KCNMA1: variants seen among roughly 807,000 people sequenced by gnomAD.
KCNMA1 encodes Calcium-activated potassium channel subunit alpha-1.
In KCNMA1, 29 loss-of-function variants were observed where a neutral mutation model predicts 140.0. The ratio of observed to expected loss-of-function variants is 0.21; its 90% confidence interval spans 0.15 to 0.28. The LOEUF is 0.28. Among genes scored for constraint, KCNMA1 ranks in the 10% least tolerant of loss-of-function variants. The pLI is 1.00. For synonymous variants in KCNMA1, 612 were observed against 611.9 expected (o/e 1.00, Z 0.00); for missense variants, 880 against 1,602.2 (o/e 0.55, Z 7.70).
At chr10:77,546,906 C>A (rs1383678440) in intron 1 of KCNMA1, among the ~76,000 whole-genome samples, 1 of 152,190 alleles carries the variant, frequency 6.6e-6, no homozygotes, top group Admixed American at 6.5e-5. Flanking sequence ...CATTCCATCA[C>A]CCAGCAACAG....
intron 1 of KCNMA1, chr10:77,636,887 C>G: frequency 1.4e-6 from 2 of 1,426,300 alleles, no homozygotes; most frequent in Non-Finnish European, 1.8e-6. Context: ...CGGTGCAAAA[C>G]ACGCACCCAG....
chr10:77,310,304 C>G (rs891596347), intron 2 of KCNMA1, among the ~76,000 whole-genome samples: 35 of 152,154 alleles, frequency 2.3e-4, no homozygotes, highest in Non-Finnish European at 5.1e-4. Context: ...TGCCTATCCC[C>G]CATCCCAACC....
chr10:77,062,100 A>T (rs2095777803), intron 14 of KCNMA1, among the ~76,000 whole-genome samples: 1 of 152,222 alleles, frequency 6.6e-6, no homozygotes, highest in Non-Finnish European at 1.5e-5. Flanking sequence ...ACATACACAA[A>T]ATCAACTTTA....
chr10:77,068,932 G>C (rs1029085855), intron 14 of KCNMA1, among the ~76,000 whole-genome samples: 1 of 150,732 alleles, frequency 6.6e-6, no homozygotes, highest in African/African-American at 2.4e-5. Flanking sequence ...GCTAATCCTA[G>C]TAAGAATGAT....
At chr10:77,473,574 C>T (rs1272188043) in intron 1 of KCNMA1, among the ~76,000 whole-genome samples, 2 of 152,228 alleles carry the variant, frequency 1.3e-5, no homozygotes, top group South Asian at 2.1e-4. Flanking sequence ...GAGGGGCCTC[C>T]GTGGATGGAA....
chr10:77,150,298 C>T (rs1434621890), intron 5 of KCNMA1, among the ~76,000 whole-genome samples: 1 of 152,190 alleles, frequency 6.6e-6, no homozygotes, highest in African/African-American at 2.4e-5. Flanking sequence ...TGTCTTCCTT[C>T]TTCTTCCATC....
intron 2 of KCNMA1, among the ~76,000 whole-genome samples, chr10:77,315,170 C>T (rs1803840901): frequency 6.6e-6 from 1 of 152,160 alleles, no homozygotes; most frequent in African/African-American, 2.4e-5. Flanking sequence ...GAATTTCACA[C>T]CAAGCCCATT....
At chr10:77,194,963 C>T (rs566368351) in intron 3 of KCNMA1, among the ~76,000 whole-genome samples, 2 of 152,260 alleles carry the variant, frequency 1.3e-5, no homozygotes, top group South Asian at 2.1e-4. Context: ...TTTAAAGTTA[C>T]ACATGAATTT....
chr10:77,459,628 G>A (rs2097823912), intron 1 of KCNMA1, among the ~76,000 whole-genome samples: 1 of 152,196 alleles, frequency 6.6e-6, no homozygotes, highest in South Asian at 2.1e-4. Context: ...TCAAAACACA[G>A]CTTTGAGACA....
At chr10:77,223,587 C>T (rs776915284) in intron 3 of KCNMA1, among the ~76,000 whole-genome samples, 2 of 152,086 alleles carry the variant, frequency 1.3e-5, no homozygotes, top group African/African-American at 4.8e-5. Context: ...ACTCAGAAGC[C>T]GGGAGGGTCA....
intron 3 of KCNMA1, among the ~76,000 whole-genome samples, chr10:77,225,650 CA>C (rs1332944081): frequency 6.6e-6 from 1 of 152,160 alleles, no homozygotes; most frequent in Non-Finnish European, 1.5e-5. Context: ...CGTAGGTGCC[CA>C]CGGGACTGCT....
At chr10:77,067,888 C>T (rs1046966614) in intron 14 of KCNMA1, among the ~76,000 whole-genome samples, 2 of 152,160 alleles carry the variant, frequency 1.3e-5, no homozygotes, top group East Asian at 1.9e-4. Flanking sequence ...ATGGGATTAG[C>T]GCACTGTCTG....
At chr10:76,974,195 A>C (rs2076852475) in intron 19 of KCNMA1, 1 of 322,086 alleles carries the variant, frequency 3.1e-6, no homozygotes. Flanking sequence ...CACTGGAGTC[A>C]CTCAGAATAA....
In KCNMA1 at chr10:77,108,285, C is replaced by T; in HGVS notation, c.1223+196G>A. The stretch of plus-strand genomic sequence containing the variant: ...CATCTTTTCTGATGCAACTGACTTA[C>T]TTTCTGCCTCCATGTTTGTTAAAAG... On this transcript the variant is annotated intron_variant, in intron 9 of 27. Coordinates refer to ENST00000286628, the MANE Select transcript of KCNMA1 (RefSeq NM_001161352.2). This position sits in a 1 kb window ranked among gnomAD's most constrained non-coding sequence, Gnocchi z 4.6. 1 of 1,477,522 alleles carries T rather than the reference C, an allele frequency of 6.8e-7. No homozygotes were observed. Among genetic ancestry groups the T allele is most frequent in the Non-Finnish European group, 8.9e-7 (1 of 1,122,066 alleles). 91.5% of individuals were successfully genotyped at this position (1,477,522 alleles called of 1,614,324 possible). A position where few individuals can be genotyped will look rare whatever the true frequency, so the allele number is the denominator to read the frequency against.
At chr10:76,928,254 TACACACACACAC>T (rs57777811) in intron 23 of KCNMA1, among the ~76,000 whole-genome samples, 1 of 144,724 alleles carries the variant, frequency 6.9e-6, no homozygotes, top group Non-Finnish European at 1.5e-5. Flanking sequence ...TTCAGAAAAA[TACACACACACAC>T]ACACACACAC....
intron 3 of KCNMA1, among the ~76,000 whole-genome samples, chr10:77,189,974 C>G (rs953056501): frequency 1.3e-5 from 2 of 152,172 alleles, no homozygotes; most frequent in Non-Finnish European, 2.9e-5. Context: ...ACTCATTCTA[C>G]ATCTCTTACT....
chr10:77,312,489 G>A (rs2079579386), intron 2 of KCNMA1, among the ~76,000 whole-genome samples: 1 of 152,214 alleles, frequency 6.6e-6, no homozygotes, highest in Non-Finnish European at 1.5e-5. Flanking sequence ...AACTGGGAAT[G>A]GTGATGCACA....
chr10:77,331,423 G>A (rs763704722), intron 2 of KCNMA1, among the ~76,000 whole-genome samples: 41 of 152,140 alleles, frequency 2.7e-4, no homozygotes, highest in Non-Finnish European at 4.0e-4. Flanking sequence ...TGAGTAGGTA[G>A]AGCCAGTAAG....
At chr10:76,947,882 TC>T (rs1387389742) in intron 22 of KCNMA1, among the ~76,000 whole-genome samples, 1 of 152,186 alleles carries the variant, frequency 6.6e-6, no homozygotes, top group African/African-American at 2.4e-5. Context: ...TGGCTCTTTT[TC>T]CCCCCATTTC....
Sources: gnomAD v4.1 joint callset for allele counts (sites outside exome capture counted in the v4.1 genomes callset) on GRCh38, gnomAD v4.1.1 for gene constraint, Gnocchi (gnomAD v3.1) non-coding constraint, MANE v1.5 for transcripts, NCBI Gene and HGNC (gene_info 2026-07-23, HGNC 2026-07-21) for gene names.